The following ADAM12 variants were observed in gnomAD, a reference collection of about 807,000 sequenced individuals.
ADAM12 encodes disintegrin and metalloproteinase domain-containing protein 12.
Under a neutral mutation model 106.4 loss-of-function variants are expected in ADAM12, and 70 were observed. The observed-to-expected ratio is 0.66, with a 90% CI of 0.54 to 0.80. The LOEUF is 0.80. Among genes scored for constraint, ADAM12 ranks in the 30% least tolerant of loss-of-function variants. The pLI is 0.00. For missense variants in ADAM12, 1,010 were observed against 1,171.9 expected, an observed-to-expected ratio of 0.86 and a Z score of 2.02; for synonymous variants, 420 against 433.5, an observed-to-expected ratio of 0.97 and a Z score of 0.39.
intron 3 of ADAM12, among the ~76,000 whole-genome samples, chr10:126,241,638 C>G (rs1055977653): frequency 1.3e-5 from 2 of 152,170 alleles, no homozygotes; most frequent in Admixed American, 1.3e-4. Flanking sequence ...GCAAACTGAG[C>G]CTGAACGCTG....
chr10:126,350,992 T>A (rs1448442359), intron 1 of ADAM12, among the ~76,000 whole-genome samples: 1 of 152,198 alleles, frequency 6.6e-6, no homozygotes, highest in Admixed American at 6.5e-5. Flanking sequence ...TCCATCAGTC[T>A]GGGCCATGTT....
At chr10:126,106,250 G>A (rs866236880) in intron 8 of ADAM12, among the ~76,000 whole-genome samples, 28 of 152,076 alleles carry the variant, frequency 1.8e-4, no homozygotes, top group Non-Finnish European at 2.8e-4. Flanking sequence ...CTCATCCCTC[G>A]TCCTGCAAAT....
intron 1 of ADAM12, among the ~76,000 whole-genome samples, chr10:126,339,847 CTTTTTTTTTTTTT>C (rs146232567): frequency 1.3e-5 from 1 of 75,710 alleles, no homozygotes; most frequent in African/African-American, 5.4e-5. Flanking sequence ...CATTCTAGGG[CTTTTTTTTTTTTT>C]TTTTTTTTTT....
intron 3 of ADAM12, among the ~76,000 whole-genome samples, chr10:126,218,824 C>A (rs1178039316): frequency 6.6e-6 from 1 of 152,152 alleles, no homozygotes; most frequent in Non-Finnish European, 1.5e-5. Context: ...GGGCAGCTGC[C>A]AAATTAGGAT....
At chr10:126,269,091 T>C (rs1959157417) in intron 3 of ADAM12, among the ~76,000 whole-genome samples, 1 of 152,188 alleles carries the variant, frequency 6.6e-6, no homozygotes, top group South Asian at 2.1e-4. Flanking sequence ...TTTTAGACCA[T>C]ATAGGGTAAC....
intron 3 of ADAM12, among the ~76,000 whole-genome samples, chr10:126,252,029 GGGATGGATAGATT>G (rs1447709307): frequency 6.7e-6 from 1 of 150,174 alleles, no homozygotes; most frequent in Non-Finnish European, 1.5e-5. Context: ...TGGATTGGGT[GGGATGGATAGATT>G]GGATGGATGG....
intron 4 of ADAM12, among the ~76,000 whole-genome samples, chr10:126,146,971 C>T (rs1473933751): frequency 6.6e-6 from 1 of 152,178 alleles, no homozygotes; most frequent in Non-Finnish European, 1.5e-5. Flanking sequence ...TCCTGATAGT[C>T]ATCCGCCCTG....
At chr10:126,337,198 A>G (rs1382905277) in intron 1 of ADAM12, among the ~76,000 whole-genome samples, 1 of 152,218 alleles carries the variant, frequency 6.6e-6, no homozygotes, top group Non-Finnish European at 1.5e-5. Context: ...AAGCCTCAAA[A>G]CCAGGGAAGC....
intron 5 of ADAM12, among the ~76,000 whole-genome samples, chr10:126,134,241 A>G (rs974054212): frequency 3.3e-5 from 5 of 152,226 alleles, no homozygotes; most frequent in Admixed American, 3.3e-4. Context: ...GGTATGCAGA[A>G]ATGTGTGTGT....
At chr10:126,180,163 C>T (rs548607137) in intron 3 of ADAM12, among the ~76,000 whole-genome samples, 2 of 152,284 alleles carry the variant, frequency 1.3e-5, no homozygotes, top group African/African-American at 4.8e-5. Flanking sequence ...CCAACAACCC[C>T]AGGTACTATT....
intron 16 of ADAM12, among the ~76,000 whole-genome samples, chr10:126,046,998 C>T (rs1055480014): frequency 4.6e-5 from 7 of 151,962 alleles, no homozygotes; most frequent in Non-Finnish European, 1.0e-4. Flanking sequence ...AAACCATCAG[C>T]AACGAGGCTC....
intron 3 of ADAM12, among the ~76,000 whole-genome samples, chr10:126,263,273 G>C (rs781004786): frequency 6.6e-6 from 1 of 152,116 alleles, no homozygotes; most frequent in South Asian, 2.1e-4. Flanking sequence ...TCTTAGAGTG[G>C]AAATGGAGCC....
chr10:126,239,360 A>T (rs1271835678), intron 3 of ADAM12, among the ~76,000 whole-genome samples: 1 of 152,240 alleles, frequency 6.6e-6, no homozygotes, highest in Non-Finnish European at 1.5e-5. Flanking sequence ...ATGTGTGGAT[A>T]AAGCCTTTCC....
intron 1 of ADAM12, among the ~76,000 whole-genome samples, chr10:126,378,824 T>C (rs1856389554): frequency 2.0e-5 from 3 of 152,242 alleles, no homozygotes; most frequent in Non-Finnish European, 2.9e-5. Flanking sequence ...TAGAAATGAA[T>C]GATGGGGCCA....
intron 3 of ADAM12, among the ~76,000 whole-genome samples, chr10:126,259,724 C>T (rs1958962872): frequency 1.3e-5 from 2 of 152,222 alleles, no homozygotes; most frequent in East Asian, 3.9e-4. Flanking sequence ...AATAAAGTCA[C>T]TCTCTGAGAA....
intron 2 of ADAM12, among the ~76,000 whole-genome samples, chr10:126,324,454 C>G (rs1374590269): frequency 5.3e-5 from 8 of 152,190 alleles, no homozygotes; most frequent in Non-Finnish European, 7.3e-5. Flanking sequence ...TACCCAGTCC[C>G]ATGGGCATCA....
At chr10:126,375,721 TAGCA>T (rs1266568291) in intron 1 of ADAM12, among the ~76,000 whole-genome samples, 4 of 148,412 alleles carry the variant, frequency 2.7e-5, no homozygotes, top group Admixed American at 2.0e-4. Flanking sequence ...ACAAGGAGAC[TAGCA>T]ATCACTTCTT....
chr10:126,114,778 G>C (rs1303040919), intron 6 of ADAM12, among the ~76,000 whole-genome samples: 1 of 152,202 alleles, frequency 6.6e-6, no homozygotes, highest in Middle Eastern at 3.4e-3. Context: ...CCACCACCAA[G>C]CTTTAAGAAC....
At chr10:126,111,635 C>T (rs1955870422) in intron 6 of ADAM12, among the ~76,000 whole-genome samples, 1 of 152,224 alleles carries the variant, frequency 6.6e-6, no homozygotes, top group Admixed American at 6.5e-5. Context: ...TTCCAACTGG[C>T]TTAAGATCCC....
Sources: gnomAD v4.1 joint callset for allele counts (sites outside exome capture counted in the v4.1 genomes callset) on GRCh38, gnomAD v4.1.1 for gene constraint, MANE v1.5 for transcripts, NCBI Gene and HGNC (gene_info 2026-07-23, HGNC 2026-07-21) for gene names.